The following EFL1 variants were observed in gnomAD, a reference collection of about 807,000 sequenced individuals.
EFL1 encodes the protein elongation factor-like GTPase 1.
A neutral mutation model predicts 126.7 loss-of-function variants in EFL1; 76 were observed. The observed-to-expected ratio is 0.60, with a 90% confidence interval of 0.50 to 0.73. The LOEUF (loss-of-function observed/expected upper bound fraction) is 0.73, where lower values mean the gene tolerates loss of function less well. Ranked by LOEUF, EFL1 falls within the 30% of genes least tolerant of loss-of-function variation. The pLI is 0.00. For missense variants in EFL1, 1,128 were observed against 1,343.2 expected, an observed-to-expected ratio of 0.84 and a Z score of 2.50; for synonymous variants, 410 against 448.4, an observed-to-expected ratio of 0.91 and a Z score of 1.08.
chr15:82,247,487 C>CT (rs955951356), intron 4 of EFL1, among the ~76,000 whole-genome samples: 1 of 152,050 alleles, frequency 6.6e-6, no homozygotes, highest in Non-Finnish European at 1.5e-5. Context: ...ATTGGATGGT[C>CT]TGAGTCTTGA....
chr15:82,170,161 C>CTGGAG (rs1298413173), intron 15 of EFL1, among the ~76,000 whole-genome samples: 1 of 127,142 alleles, frequency 7.9e-6, no homozygotes, highest in East Asian at 2.3e-4. Context: ...GTCGCCCAGG[C>CTGGAG]TGGAGTGCAG....
chr15:82,138,618 A>C, intron 19 of EFL1, 40 bp downstream of exon 19: 1 of 1,601,666 alleles, frequency 6.2e-7, no homozygotes, highest in Non-Finnish European at 8.5e-7. Context: ...ATGTATCCAT[A>C]GATGAGAAGG....
At chr15:82,247,030 C>T (rs1265152179) in intron 4 of EFL1, among the ~76,000 whole-genome samples, 1 of 152,026 alleles carries the variant, frequency 6.6e-6, no homozygotes, top group Non-Finnish European at 1.5e-5. Context: ...AGGTCAAGAA[C>T]CAAAGAGACT....
At chr15:82,202,440 T>G (rs2141282979) in intron 15 of EFL1, among the ~76,000 whole-genome samples, 1 of 152,336 alleles carries the variant, frequency 6.6e-6, no homozygotes, top group South Asian at 2.1e-4. Flanking sequence ...ATTTGTTAAT[T>G]ATAATATTTC....
chr15:82,243,983 G>A (rs1437831357), intron 4 of EFL1, among the ~76,000 whole-genome samples: 1 of 152,090 alleles, frequency 6.6e-6, no homozygotes, highest in African/African-American at 2.4e-5. Context: ...GAGAAGCCCT[G>A]TAAAAGAAGT....
chr15:82,233,250 T>C (rs576868579), intron 7 of EFL1, among the ~76,000 whole-genome samples: 1 of 152,348 alleles, frequency 6.6e-6, no homozygotes, highest in East Asian at 1.9e-4. Flanking sequence ...ACATTACTGC[T>C]AGTGTTTTTA....
chr15:82,178,823 T>A (rs2074220139), intron 15 of EFL1, among the ~76,000 whole-genome samples: 1 of 152,132 alleles, frequency 6.6e-6, no homozygotes, highest in East Asian at 1.9e-4. Flanking sequence ...TCCTTGGTAC[T>A]TAACTGTTTG....
chr15:82,142,026 T>G (rs923735373), intron 18 of EFL1, among the ~76,000 whole-genome samples: 1 of 152,234 alleles, frequency 6.6e-6, no homozygotes, highest in African/African-American at 2.4e-5. Context: ...GTTCTCATGA[T>G]AGGTGTGTTC....
At position 82,230,857 on chromosome 15, in the gene EFL1, C is replaced by T; in HGVS notation, c.846G>A (p.Lys282=). 6.2e-7 allele frequency: 1 copy of T among 1,611,390 alleles called. No homozygotes were observed. Among genetic ancestry groups the T allele is most frequent in the Non-Finnish European group, 8.5e-7 (1 of 1,178,824 alleles). The change falls in exon 8 of 20, where the codon AAG becomes AAA. Residue 282 remains lysine, a synonymous_variant. Coordinates refer to ENST00000268206, the MANE Select transcript of EFL1 (RefSeq NM_024580.6). Reference sequence around the variant, plus strand: ...ACATATACCACATTACCTGATCACCCTTCATGATCTTTTTAGCCTTCATAT... The same window carrying T: ...ACATATACCACATTACCTGATCACCTTTCATGATCTTTTTAGCCTTCATAT... ...YINMKAKKIM[K]GDQAKGKKPL...
chr15:82,149,137 G>A (rs1485929848), intron 18 of EFL1, among the ~76,000 whole-genome samples: 1 of 152,052 alleles, frequency 6.6e-6, no homozygotes, highest in Non-Finnish European at 1.5e-5. Flanking sequence ...TGTTAAGATG[G>A]TGGTGATGTG....
intron 4 of EFL1, 69 bp from the exon 5 acceptor site, chr15:82,241,472 A>G: frequency 6.6e-7 from 1 of 1,520,156 alleles, no homozygotes; most frequent in East Asian, 2.3e-5. Context: ...CAGGCGTTCT[A>G]GAATAAGAAA....
intron 14 of EFL1, among the ~76,000 whole-genome samples, chr15:82,219,250 C>T (rs191911582): frequency 6.1e-4 from 93 of 152,294 alleles, no homozygotes; most frequent in African/African-American, 2.1e-3. Flanking sequence ...CATGCAACTC[C>T]TGCCTATCCC....
At chr15:82,219,608 A>G (rs1332477200) in intron 14 of EFL1, 44 bp downstream of exon 14, 2 of 1,561,908 alleles carry the variant, frequency 1.3e-6, no homozygotes, top group Non-Finnish European at 1.7e-6. Context: ...AAGATATCAG[A>G]CCCTCGAGAA....
In EFL1 at chr15:82,227,565, C is replaced by T; in HGVS notation, c.1077G>A (p.Val359=). Reference sequence around the variant, plus strand: ...CAAGGGGACTAGGAAGTTTCTGACACACCATAGCTGAAGTCTATTGTTAAG... The same window carrying T: ...CAAGGGGACTAGGAAGTTTCTGACATACCATAGCTGAAGTCTATTGTTAAG... ...LPISHAVLAM[V]CQKLPSPLDI... The change falls in exon 11 of 20, where the codon GTG becomes GTA. Residue 359 remains valine (V), a synonymous_variant. Transcript: ENST00000268206. 5 of 1,614,176 alleles carry T rather than the reference C, an allele frequency of 3.1e-6. No homozygotes were observed. The highest frequency in any genetic ancestry group is 2.7e-5 in the African/African-American group (2 of 75,050).
At chr15:82,168,458 C>T (rs568266469) in intron 15 of EFL1, among the ~76,000 whole-genome samples, 3 of 152,302 alleles carry the variant, frequency 2.0e-5, no homozygotes, top group Admixed American at 2.0e-4. Flanking sequence ...AATGACATCA[C>T]TATGTCATAA....
At chr15:82,203,468 C>T (rs1471860487) in intron 15 of EFL1, among the ~76,000 whole-genome samples, 1 of 152,114 alleles carries the variant, frequency 6.6e-6, no homozygotes, top group African/African-American at 2.4e-5. Flanking sequence ...CTCTGCCTTC[C>T]GGGTTCAAGC....
intron 3 of EFL1, among the ~76,000 whole-genome samples, chr15:82,257,856 CTGTT>C (rs2075079592): frequency 6.6e-6 from 1 of 152,228 alleles, no homozygotes; most frequent in Admixed American, 6.5e-5. Context: ...TATAAAATGT[CTGTT>C]TACTATTTCA....
chr15:82,166,385 G>C (rs1418560262), intron 15 of EFL1, among the ~76,000 whole-genome samples: 1 of 152,156 alleles, frequency 6.6e-6, no homozygotes, highest in Non-Finnish European at 1.5e-5. Flanking sequence ...AAAGTCAAGA[G>C]ACCACAATGT....
rs746867589 is a variant in EFL1 at position 82,130,375 on chromosome 15, ACTT to A, written c.3358_3360del (p.Lys1120del). On this transcript the variant is annotated inframe_deletion, in exon 20 of 20. Transcript: ENST00000268206. ...AAGAATCCACCAGTAGTAGGTAGCTACTTATTTTTGCTGAGTGTCCTCTGCTTT... is the reference window on the plus strand; with the variant it reads ...AAGAATCCACCAGTAGTAGGTAGCTAATTTTTGCTGAGTGTCCTCTGCTTT... 2 of 1,613,946 alleles carry A rather than the reference ACTT, an allele frequency of 1.2e-6. No individual in the cohort carries two copies. The highest frequency in any genetic ancestry group is 1.1e-5 in the South Asian group (1 of 90,992).
Sources: gnomAD v4.1 joint callset for allele counts (sites outside exome capture counted in the v4.1 genomes callset) on GRCh38, gnomAD v4.1.1 for gene constraint, MANE v1.5 for transcripts, NCBI Gene and HGNC (gene_info 2026-07-23, HGNC 2026-07-21) for gene names.